ALK: variants seen among roughly 807,000 people sequenced by gnomAD.
The protein encoded by ALK is ALK tyrosine kinase receptor.
In ALK, 74 loss-of-function variants were observed where a neutral mutation model predicts 163.1. That is an observed-to-expected ratio of 0.45 (90% CI 0.38 to 0.55). The LOEUF (loss-of-function observed/expected upper bound fraction) is 0.55. ALK is among the 20% of genes least tolerant of loss of function. The probability of loss-of-function intolerance (pLI) is 0.00; values close to 1 mark genes in which losing one functional copy is unlikely to be tolerated. For missense variants in ALK, 2,063 were observed against 2,105.3 expected, an observed-to-expected ratio of 0.98 and a Z score of 0.39; for synonymous variants, 960 against 843.2, an observed-to-expected ratio of 1.14 and a Z score of -2.40.
chr2:29,864,627 A>C (rs989791948), intron 1 of ALK, among the ~76,000 whole-genome samples: 6 of 152,242 alleles, frequency 3.9e-5, no homozygotes, highest in Admixed American at 6.5e-5. Flanking sequence ...ATGATGGGTA[A>C]GTTAATGTAT....
intron 8 of ALK, among the ~76,000 whole-genome samples, chr2:29,314,533 G>A (rs1666776676): frequency 6.6e-6 from 1 of 152,112 alleles, no homozygotes; most frequent in South Asian, 2.1e-4. Context: ...GAAGAGGGGA[G>A]ACGCAACTGC....
At chr2:29,867,309 G>T (rs1666460006) in intron 1 of ALK, among the ~76,000 whole-genome samples, 1 of 152,154 alleles carries the variant, frequency 6.6e-6, no homozygotes, top group Admixed American at 6.5e-5. Flanking sequence ...TTAAGAGATT[G>T]TCTAAATGTT....
chr2:29,740,106 G>A lies in ALK; in HGVS notation c.668-22409C>T, dbSNP rs139931643. ...TTTAGTAGAACCTCAGAGAGCTACT[G>A]CATTCTGATGTGAGGTCAGAGGCTG... On this transcript the variant is annotated intron_variant, in intron 1 of 28. Coordinates refer to ENST00000389048, the MANE Select transcript of ALK (RefSeq NM_004304.5). Among the ~76,000 whole-genome samples, 178 of 152,222 alleles carry A rather than the reference G, an allele frequency of 1.2e-3. 2 individuals are homozygous for A. The highest frequency in any genetic ancestry group is 4.1e-3 in the African/African-American group (168 of 41,450).
intron 4 of ALK, among the ~76,000 whole-genome samples, chr2:29,426,842 A>G (rs1450200522): frequency 6.6e-6 from 1 of 152,018 alleles, no homozygotes; most frequent in East Asian, 1.9e-4. Flanking sequence ...GATCGAGACC[A>G]TACTGGCCAA....
chr2:29,263,534 C>T (rs995172775), intron 11 of ALK, among the ~76,000 whole-genome samples: 18 of 152,084 alleles, frequency 1.2e-4, no homozygotes, highest in Admixed American at 5.9e-4. Flanking sequence ...AGGACTGAGA[C>T]GCATATGAGA....
At chr2:29,777,395 GGAA>G (rs1257561437) in intron 1 of ALK, among the ~76,000 whole-genome samples, 2 of 152,038 alleles carry the variant, frequency 1.3e-5, no homozygotes, top group African/African-American at 2.4e-5. Flanking sequence ...TAGTTTGTAG[GGAA>G]GAAGAAGAGA....
chr2:29,408,081 C>CTTTTTTTTTTT (rs760683752), intron 4 of ALK, among the ~76,000 whole-genome samples: 1 of 140,850 alleles, frequency 7.1e-6, no homozygotes, highest in African/African-American at 2.8e-5. Context: ...AGGGAAAGTT[C>CTTTTTTTTTTT]TTTTTCTTTT....
At chr2:29,638,736 G>T (rs572075866) in intron 3 of ALK, among the ~76,000 whole-genome samples, 2 of 152,144 alleles carry the variant, frequency 1.3e-5, no homozygotes, top group Admixed American at 6.6e-5. Flanking sequence ...GGGCTGTAGA[G>T]GATCTGCCTA....
chr2:29,219,023 T>C (rs1669713097), intron 23 of ALK, among the ~76,000 whole-genome samples: 1 of 152,228 alleles, frequency 6.6e-6, no homozygotes. Context: ...TCACAAGGCC[T>C]GAGTTCTAGT....
intron 1 of ALK, among the ~76,000 whole-genome samples, chr2:29,794,092 A>G (rs2148359216): frequency 6.6e-6 from 1 of 152,296 alleles, no homozygotes; most frequent in African/African-American, 2.4e-5. Flanking sequence ...AGCCACCTTC[A>G]TCAATTATCT....
At chr2:29,771,490 T>C (rs1241310415) in intron 1 of ALK, among the ~76,000 whole-genome samples, 1 of 152,136 alleles carries the variant, frequency 6.6e-6, no homozygotes, top group Non-Finnish European at 1.5e-5. Context: ...GAGTGATGTC[T>C]TCCAAAATCT....
At chr2:29,894,017 G>A (rs1667209015) in intron 1 of ALK, among the ~76,000 whole-genome samples, 1 of 152,146 alleles carries the variant, frequency 6.6e-6, no homozygotes, top group Admixed American at 6.5e-5. Context: ...GCATGTAACT[G>A]GTGATACGAA....
chr2:29,238,622 A>C (rs917042725), intron 13 of ALK, among the ~76,000 whole-genome samples: 1 of 152,056 alleles, frequency 6.6e-6, no homozygotes, highest in African/African-American at 2.4e-5. Context: ...CCCCCTTTCC[A>C]AGTGCCTCCT....
chr2:29,406,629 C>T (rs967245014), intron 4 of ALK, among the ~76,000 whole-genome samples: 14 of 152,012 alleles, frequency 9.2e-5, no homozygotes, highest in South Asian at 2.1e-4. Context: ...AGGCCAGGTG[C>T]GGTGGATCAC....
intron 4 of ALK, among the ~76,000 whole-genome samples, chr2:29,492,507 C>T (rs1406829515): frequency 2.0e-5 from 3 of 152,122 alleles, no homozygotes; most frequent in East Asian, 3.9e-4. Context: ...GACTCCATAT[C>T]GTCCCACACT....
At chr2:29,443,837 G>T (rs1670604665) in intron 4 of ALK, among the ~76,000 whole-genome samples, 1 of 152,192 alleles carries the variant, frequency 6.6e-6, no homozygotes, top group Non-Finnish European at 1.5e-5. Context: ...AAGTCCTTAT[G>T]CCCCAGGCAC....
At chr2:29,613,674 A>G (rs940497056) in intron 3 of ALK, among the ~76,000 whole-genome samples, 8 of 152,230 alleles carry the variant, frequency 5.3e-5, no homozygotes, top group Middle Eastern at 3.2e-3. Context: ...GAAATCTTAA[A>G]CACTAGGTAG....
intron 5 of ALK, among the ~76,000 whole-genome samples, chr2:29,351,668 G>A (rs934938391): frequency 6.6e-6 from 1 of 152,212 alleles, no homozygotes; most frequent in African/African-American, 2.4e-5. Flanking sequence ...AAGACTTGCT[G>A]ATTTATGGTG....
intron 3 of ALK, among the ~76,000 whole-genome samples, chr2:29,642,858 A>G (rs1676743865): frequency 6.6e-6 from 1 of 152,212 alleles, no homozygotes; most frequent in Non-Finnish European, 1.5e-5. Context: ...TACTGTCTTC[A>G]GGAATTGTTT....
Sources: gnomAD v4.1 joint callset for allele counts (sites outside exome capture counted in the v4.1 genomes callset) on GRCh38, gnomAD v4.1.1 for gene constraint, MANE v1.5 for transcripts, NCBI Gene and HGNC (gene_info 2026-07-23, HGNC 2026-07-21) for gene names.